Variants in LINGO2 observed in about 807,000 individuals in gnomAD.
The protein encoded by LINGO2 is leucine rich repeat and Ig domain containing 2, also known as leucine-rich repeat and immunoglobulin-like domain-containing nogo receptor-interacting protein 2.
LINGO2 carries 14 observed loss-of-function variants against 30.6 expected under a neutral mutation model. The ratio of observed to expected loss-of-function variants is 0.46; its 90% CI spans 0.30 to 0.72. The LOEUF (loss-of-function observed/expected upper bound fraction) is 0.72, where lower values mean the gene tolerates loss of function less well. Among genes scored for constraint, LINGO2 ranks in the 30% least tolerant of loss-of-function variants. The probability of loss-of-function intolerance (pLI) is 0.07; values close to 1 mark genes in which losing one functional copy is unlikely to be tolerated. For missense variants in LINGO2, 729 were observed against 751.7 expected, an observed-to-expected ratio of 0.97 and a Z score of 0.35; for synonymous variants, 317 against 288.5, an observed-to-expected ratio of 1.10 and a Z score of -1.00.
the LINGO2 span, among the ~76,000 whole-genome samples, chr9:29,038,262 G>C: frequency 1.3e-5 from 2 of 151,982 alleles, no homozygotes; most frequent in African/African-American, 4.8e-5. Context: ...AGAAGATACT[G>C]TCTTTTAATT....
intron 4 of LINGO2, among the ~76,000 whole-genome samples, chr9:28,272,814 C>T (rs758935851): frequency 6.6e-6 from 1 of 152,040 alleles, no homozygotes; most frequent in Non-Finnish European, 1.5e-5. Context: ...TACCTCACCA[C>T]CAGCAAGTTT....
the LINGO2 span, among the ~76,000 whole-genome samples, chr9:29,124,146 A>T: frequency 2.6e-5 from 4 of 152,220 alleles, no homozygotes; most frequent in African/African-American, 9.6e-5. Context: ...ATCTGACAAA[A>T]ACAAGCAATG....
At chr9:28,011,252 A>G (rs926340755) in intron 5 of LINGO2, among the ~76,000 whole-genome samples, 20 of 152,234 alleles carry the variant, frequency 1.3e-4, no homozygotes, top group Non-Finnish European at 4.4e-5. Context: ...TGCTGGCACC[A>G]GAATTTTTCG....
chr9:28,962,385 A>T, the LINGO2 span, among the ~76,000 whole-genome samples: 1 of 152,100 alleles, frequency 6.6e-6, no homozygotes, highest in Non-Finnish European at 1.5e-5. Context: ...TCATACCTTT[A>T]GATTAGAAAT....
chr9:28,985,956 T>C, the LINGO2 span, among the ~76,000 whole-genome samples: 6 of 152,012 alleles, frequency 3.9e-5, no homozygotes, highest in Admixed American at 3.3e-4. Flanking sequence ...GTTGTGTTTC[T>C]CCTATGTTTT....
the LINGO2 span, among the ~76,000 whole-genome samples, chr9:28,840,945 T>C: frequency 6.6e-6 from 1 of 151,848 alleles, no homozygotes; most frequent in African/African-American, 2.4e-5. Context: ...TTCCTACCTT[T>C]GAGTTTTTTC....
intron 4 of LINGO2, among the ~76,000 whole-genome samples, chr9:28,174,791 T>C (rs1564018647): frequency 2.0e-5 from 3 of 152,148 alleles, no homozygotes. Flanking sequence ...GTGCCTGCTC[T>C]ATGAAAGGTA....
the LINGO2 span, among the ~76,000 whole-genome samples, chr9:28,955,167 G>A: frequency 1.4e-5 from 2 of 143,902 alleles, no homozygotes; most frequent in Admixed American, 7.1e-5. Flanking sequence ...CAATCATAGA[G>A]TCGAAATAGA....
intron 2 of LINGO2, among the ~76,000 whole-genome samples, chr9:28,417,123 G>A (rs1293039346): frequency 6.6e-6 from 1 of 152,108 alleles, no homozygotes; most frequent in African/African-American, 2.4e-5. Flanking sequence ...GTTATATATT[G>A]CTGTGGAATT....
intron 4 of LINGO2, among the ~76,000 whole-genome samples, chr9:28,224,690 G>A (rs1021055931): frequency 1.3e-5 from 2 of 151,882 alleles, no homozygotes; most frequent in Non-Finnish European, 2.9e-5. Flanking sequence ...GATAACCACC[G>A]ATTTACTTTC....
At chr9:28,884,381 C>T in the LINGO2 span, among the ~76,000 whole-genome samples, 1 of 152,098 alleles carries the variant, frequency 6.6e-6, no homozygotes, top group South Asian at 2.1e-4. Context: ...TTCTTCTGAT[C>T]AGCACGAAAT....
the LINGO2 span, among the ~76,000 whole-genome samples, chr9:28,677,373 C>A: frequency 2.6e-5 from 4 of 152,236 alleles, no homozygotes; most frequent in East Asian, 1.9e-4. Context: ...AACAACAGAG[C>A]TGAAGCTATC....
exon 6 of LINGO2, chr9:27,949,427 C>A (rs1174789863): frequency 3.1e-6 from 5 of 1,614,144 alleles, no homozygotes; most frequent in Admixed American, 1.7e-5. Context: ...GCTGCAACTT[C>A]TTTTCACGGA....
chr9:28,335,299 T>G (rs1385229961), intron 3 of LINGO2, among the ~76,000 whole-genome samples: 1 of 152,172 alleles, frequency 6.6e-6, no homozygotes, highest in East Asian at 1.9e-4. Flanking sequence ...TCATATACAT[T>G]GTCATCTAAG....
At chr9:28,995,456 G>A in the LINGO2 span, among the ~76,000 whole-genome samples, 1 of 152,214 alleles carries the variant, frequency 6.6e-6, no homozygotes, top group Non-Finnish European at 1.5e-5. Context: ...GTGGAAGTCA[G>A]TGTGGCCATG....
chr9:28,226,655 G>GA (rs997375265), intron 4 of LINGO2, among the ~76,000 whole-genome samples: 2 of 58,256 alleles, frequency 3.4e-5, no homozygotes, highest in Admixed American at 1.7e-4. Context: ...AAGAAAGAAA[G>GA]AAAGAAAGAA....
the LINGO2 span, among the ~76,000 whole-genome samples, chr9:28,692,211 A>T: frequency 6.6e-6 from 1 of 152,160 alleles, no homozygotes; most frequent in Non-Finnish European, 1.5e-5. Flanking sequence ...ATGGTGGCTC[A>T]CACCTGTAAT....
chr9:29,118,559 G>T, the LINGO2 span, among the ~76,000 whole-genome samples: 1 of 152,064 alleles, frequency 6.6e-6, no homozygotes, highest in Non-Finnish European at 1.5e-5. Flanking sequence ...CCCTGGTGAA[G>T]CCCAAGACCA....
chr9:29,087,450 A>T, the LINGO2 span, among the ~76,000 whole-genome samples: 4 of 152,198 alleles, frequency 2.6e-5, no homozygotes, highest in African/African-American at 9.7e-5. Flanking sequence ...GTTGAAGGAA[A>T]AGAAGCTCAA....
Sources: allele counts gnomAD v4.1 joint callset (sites outside exome capture counted in the v4.1 genomes callset), GRCh38; gene constraint gnomAD v4.1.1; transcripts MANE v1.5; gene names NCBI Gene and HGNC (gene_info 2026-07-23, HGNC 2026-07-21).